The following PALM2AKAP2 variants were observed in gnomAD, a reference collection of about 807,000 sequenced individuals.
PALM2AKAP2 encodes the protein PALM2 and AKAP2 fusion.
Under a neutral mutation model 71.5 loss-of-function variants are expected in PALM2AKAP2, and 37 were observed. The observed-to-expected ratio is 0.52, with a 90% CI of 0.40 to 0.68. PALM2AKAP2 has a LOEUF of 0.68. PALM2AKAP2 is among the 30% of genes least tolerant of loss of function. The probability of loss-of-function intolerance (pLI) is 0.00; values close to 1 mark genes in which losing one functional copy is unlikely to be tolerated. For missense variants in PALM2AKAP2, 1,224 were observed against 1,191.8 expected (o/e 1.03, Z -0.40); for synonymous variants, 468 against 478.8 (o/e 0.98, Z 0.29).
At chr9:109,988,392 C>G (rs1195343015) in intron 6 of PALM2AKAP2, among the ~76,000 whole-genome samples, 1 of 152,116 alleles carries the variant, frequency 6.6e-6, no homozygotes, top group East Asian at 1.9e-4. Context: ...TTTGCCACCA[C>G]TCATTATTCT....
intron 6 of PALM2AKAP2, among the ~76,000 whole-genome samples, chr9:109,940,553 G>A (rs1335317249): frequency 6.6e-6 from 1 of 152,174 alleles, no homozygotes; most frequent in Non-Finnish European, 1.5e-5. Context: ...TAGAACATAT[G>A]GTTGAAAAGA....
chr9:110,004,908 G>A (rs1287295204), intron 6 of PALM2AKAP2, among the ~76,000 whole-genome samples: 2 of 152,130 alleles, frequency 1.3e-5, no homozygotes, highest in Non-Finnish European at 2.9e-5. Flanking sequence ...CTTTGCATTG[G>A]TTATTCTAGT....
rs183513690 is a variant in PALM2AKAP2 at position 109,896,666 on chromosome 9, C to T, written c.257+15985C>T. 7.1e-3 allele frequency among the ~76,000 whole-genome samples: 1,083 copies of T among 152,144 alleles called. 13 individuals carry two copies. Among genetic ancestry groups the T allele is most frequent in the African/African-American group, 0.025 (1,030 of 41,480 alleles). ...TCTCTACAAAAAATACAAAAATTAG[C>T]CAAGCATGGTGGTACATGCCTGTCG... On this transcript the variant is annotated intron_variant, in intron 3 of 9. Transcript: ENST00000302798.
intron 1 of PALM2AKAP2, among the ~76,000 whole-genome samples, chr9:109,724,929 C>T (rs746199580): frequency 4.0e-5 from 6 of 151,722 alleles, no homozygotes; most frequent in Admixed American, 2.0e-4. Flanking sequence ...AAATGAAAAG[C>T]GAAAAGCTAG....
At chr9:109,695,726 A>G (rs1827960191) in intron 1 of PALM2AKAP2, among the ~76,000 whole-genome samples, 1 of 152,218 alleles carries the variant, frequency 6.6e-6, no homozygotes, top group Non-Finnish European at 1.5e-5. Flanking sequence ...ATTTTCAACA[A>G]CATGCATAGA....
At chr9:109,863,789 A>G (rs1287536910) in intron 1 of PALM2AKAP2, among the ~76,000 whole-genome samples, 1 of 149,190 alleles carries the variant, frequency 6.7e-6, no homozygotes, top group Non-Finnish European at 1.5e-5. Context: ...CTTTAAGACC[A>G]TCACTATGGG....
At chr9:110,156,694 T>A (rs1836466467) in intron 3 of PALM2AKAP2, among the ~76,000 whole-genome samples, 197 bp downstream of exon 9, 1 of 152,164 alleles carries the variant, frequency 6.6e-6, no homozygotes, top group African/African-American at 2.4e-5. Flanking sequence ...AAATTGTTGA[T>A]CTTGCAGGGA....
chr9:109,640,876 C>T, intron 1 of PALM2AKAP2: 1 of 1,516,332 alleles, frequency 6.6e-7, no homozygotes, highest in Non-Finnish European at 8.8e-7. Flanking sequence ...AGTGAGTATC[C>T]CCGAGCCGCG....
intron 1 of PALM2AKAP2, among the ~76,000 whole-genome samples, chr9:109,694,047 C>T (rs1026562318): frequency 3.3e-5 from 5 of 151,914 alleles, no homozygotes; most frequent in Middle Eastern, 3.2e-3. Context: ...CCTTCCCCAC[C>T]GTACAATTGG....
chr9:109,718,557 T>C (rs1217745059), intron 1 of PALM2AKAP2, among the ~76,000 whole-genome samples: 1 of 152,152 alleles, frequency 6.6e-6, no homozygotes, highest in Non-Finnish European at 1.5e-5. Context: ...CTAACTTCTT[T>C]TTTTTTAACA....
intron 1 of PALM2AKAP2, among the ~76,000 whole-genome samples, chr9:110,124,262 A>G (rs1835550061): frequency 6.6e-6 from 1 of 152,152 alleles, no homozygotes; most frequent in Admixed American, 6.5e-5. Context: ...ACCACAGGTG[A>G]ACCCTGTTGC....
chr9:109,808,751 C>T (rs1827645791), intron 1 of PALM2AKAP2, among the ~76,000 whole-genome samples: 1 of 152,228 alleles, frequency 6.6e-6, no homozygotes, highest in Admixed American at 6.5e-5. Context: ...TCATGGCAGC[C>T]CCTCCAATCA....
chr9:109,702,883 A>G (rs999021121), intron 1 of PALM2AKAP2, among the ~76,000 whole-genome samples: 6 of 148,360 alleles, frequency 4.0e-5, no homozygotes, highest in Admixed American at 2.0e-4. Flanking sequence ...CAGTGCTGTG[A>G]TCTTGGTTCA....
At chr9:110,031,082 C>G (rs1033789050) in intron 7 of PALM2AKAP2, among the ~76,000 whole-genome samples, 1 of 152,214 alleles carries the variant, frequency 6.6e-6, no homozygotes, top group Admixed American at 6.5e-5. Flanking sequence ...GATTTGTCAT[C>G]ATATTTTCCA....
rs765381329 is a variant in PALM2AKAP2 at position 110,168,459 on chromosome 9, G to A, written c.2809G>A (p.Gly937Arg). The A allele has an allele frequency of 9.3e-6, 15 of 1,614,066 alleles. No homozygotes were observed. The highest frequency in any genetic ancestry group is 1.3e-5 in the Non-Finnish European group (15 of 1,180,026). Reference sequence around the variant, plus strand: ...CGCACTGGCTTTGCGCTGGGAAGCAGGGATCTATGCCAACCAGGAGGAAGA... The same window carrying A: ...CGCACTGGCTTTGCGCTGGGAAGCAAGGATCTATGCCAACCAGGAGGAAGA... The change falls in exon 4 of 4, where the codon GGG becomes AGG. Residue 937 changes from glycine to arginine, a missense_variant. Physicochemically the swap from Gly to Arg is moderately radical, Grantham distance 125. Coordinates refer to ENST00000374525, the Ensembl canonical transcript of PALM2AKAP2.
chr9:109,974,038 A>G (rs527279899), intron 6 of PALM2AKAP2, among the ~76,000 whole-genome samples: 40 of 152,392 alleles, frequency 2.6e-4, no homozygotes, highest in South Asian at 1.4e-3. Context: ...AGAGGCAGAC[A>G]GGACACATGT....
At chr9:110,122,339 T>G (rs548776205) in intron 1 of PALM2AKAP2, among the ~76,000 whole-genome samples, 1 of 152,216 alleles carries the variant, frequency 6.6e-6, no homozygotes, top group Non-Finnish European at 1.5e-5. Context: ...GCCTTCAGAT[T>G]TTTTTCTTTT....
intron 1 of PALM2AKAP2, among the ~76,000 whole-genome samples, chr9:109,720,211 A>T (rs1828384965): frequency 6.6e-6 from 1 of 151,878 alleles, no homozygotes. Context: ...CTGGTCTTCA[A>T]CTCCAGACCT....
rs77765116 is a variant in PALM2AKAP2 at position 110,007,924 on chromosome 9, G to C, written c.497-8030G>C. Among the ~76,000 whole-genome samples, 490 of 152,304 alleles carry C rather than the reference G, an allele frequency of 3.2e-3. 3 individuals are homozygous for C. Among genetic ancestry groups the C allele is most frequent in the African/African-American group, 0.011 (451 of 41,566 alleles). Reference sequence around the variant, plus strand: ...ATAGACAGTGAGGAAACCCAGCAAGGCCTGTCTGTCTAGATTCTTCTTCAG... The same window carrying C: ...ATAGACAGTGAGGAAACCCAGCAAGCCCTGTCTGTCTAGATTCTTCTTCAG... On this transcript the variant is annotated intron_variant, in intron 6 of 9. Transcript: ENST00000302798.
Sources: gnomAD v4.1 joint callset for allele counts (sites outside exome capture counted in the v4.1 genomes callset) on GRCh38, gnomAD v4.1.1 for gene constraint, MANE v1.5 for transcripts, NCBI Gene and HGNC (gene_info 2026-07-23, HGNC 2026-07-21) for gene names.